The following SCAI variants were observed in gnomAD, a reference collection of about 807,000 sequenced individuals.
SCAI encodes suppressor of cancer cell invasion.
A neutral mutation model predicts 92.2 loss-of-function variants in SCAI; 24 were observed. That is an observed-to-expected ratio of 0.26 (90% CI 0.19 to 0.37). SCAI has a LOEUF of 0.37. Ranked by LOEUF, SCAI falls within the 10% of genes least tolerant of loss-of-function variation. The probability of loss-of-function intolerance (pLI) is 1.00; values close to 1 mark genes in which losing one functional copy is unlikely to be tolerated. For missense variants in SCAI, 450 were observed against 736.2 expected (o/e 0.61, Z 4.50); for synonymous variants, 261 against 258.6 (o/e 1.01, Z -0.09).
intron 3 of SCAI, among the ~76,000 whole-genome samples, chr9:125,050,127 G>A (rs187363761): frequency 6.6e-6 from 1 of 151,520 alleles, no homozygotes; most frequent in East Asian, 1.9e-4. Flanking sequence ...TAGAGGGAAA[G>A]GGCTTAATAT....
chr9:124,976,065 T>C (rs745320382), intron 15 of SCAI, 49 bp downstream of exon 15: 87 of 1,110,744 alleles, frequency 7.8e-5, no homozygotes, highest in Non-Finnish European at 1.2e-4. Context: ...ATAATATAGA[T>C]AGTGTTTATT....
intron 17 of SCAI, among the ~76,000 whole-genome samples, chr9:124,961,611 T>C (rs958704623): frequency 2.9e-4 from 44 of 150,670 alleles, no homozygotes; most frequent in African/African-American, 1.0e-3. Flanking sequence ...GATCACGCCA[T>C]TGTACTCCAG....
chr9:124,997,569 T>C (rs1028362665), intron 13 of SCAI, among the ~76,000 whole-genome samples: 5 of 152,150 alleles, frequency 3.3e-5, no homozygotes, highest in African/African-American at 1.2e-4. Context: ...AGCAATGAAG[T>C]TGTTATGCTT....
intron 2 of SCAI, among the ~76,000 whole-genome samples, chr9:125,085,030 C>T (rs1319723798): frequency 6.6e-6 from 1 of 152,180 alleles, no homozygotes; most frequent in Non-Finnish European, 1.5e-5. Context: ...ACTAACTATC[C>T]TATCTTACTG....
rs1833654124 is a variant in SCAI, at chr9:125,055,956, A to T, written c.150T>A (p.Asp50Glu). Residue 50 changes from aspartate (D) to glutamate (E), a missense_variant, in exon 3 of 18, where the codon GAT becomes GAA. Asp to Glu is a conservative substitution (Grantham distance 45, BLOSUM62 2). This residue lies in a region of SCAI where 70 missense variants were observed against 66.3 expected (regional missense o/e 1.06). Coordinates refer to ENST00000336505, the MANE Select transcript of SCAI (RefSeq NM_001144877.3). ...CTGTTTTCCTCTCTCCCTGTGGGAT[A>T]TCATCTTCAGCACCTCCAGAGGACA... ...EIMSSGGAED[D>E]IPQGERKTVT... 6.2e-7 allele frequency: 1 copy of T among 1,610,902 alleles called. No homozygotes were observed. The highest frequency in any genetic ancestry group is 1.7e-5 in the Admixed American group (1 of 59,962).
chr9:125,082,002 G>A lies in SCAI; in HGVS notation c.99-25995C>T, dbSNP rs117757576. Among the ~76,000 whole-genome samples, 450 of 152,284 alleles carry A rather than the reference G, an allele frequency of 3.0e-3. 11 individuals are homozygous for A. In the East Asian group the frequency reaches 0.03, roughly 10 times the overall value. ...GGCTGCAGAAATTTGCATAAGTAAC[G>A]AGGAGCCCAAAATTAATCCCCAAGA... On this transcript the variant is annotated intron_variant, in intron 2 of 17. Transcript: ENST00000336505.
intron 5 of SCAI, among the ~76,000 whole-genome samples, chr9:125,028,076 T>C (rs999348110): frequency 6.6e-6 from 1 of 152,254 alleles, no homozygotes; most frequent in Non-Finnish European, 1.5e-5. Context: ...CTACACATTA[T>C]TAAGACAAGT....
chr9:125,056,078 T>C, intron 2 of SCAI, 71 bp from the exon 3 acceptor site: 2 of 1,112,862 alleles, frequency 1.8e-6, no homozygotes, highest in Non-Finnish European at 2.6e-6. Flanking sequence ...AGTTATATCA[T>C]CTGATAGTAT....
chr9:124,974,150 C>T (rs1023097771), intron 15 of SCAI: 2 of 413,244 alleles, frequency 4.8e-6, no homozygotes, highest in Non-Finnish European at 9.6e-6. Flanking sequence ...GGTCATAGTG[C>T]TATCTCCAGT....
chr9:125,123,048 G>A (rs1380391773), intron 2 of SCAI, among the ~76,000 whole-genome samples: 1 of 148,798 alleles, frequency 6.7e-6, no homozygotes, highest in Non-Finnish European at 1.5e-5. Context: ...TAGAAAAACA[G>A]CTTGCTTATC....
At chr9:125,073,944 C>CTT (rs751030059) in intron 2 of SCAI, among the ~76,000 whole-genome samples, 1 of 142,834 alleles carries the variant, frequency 7.0e-6, no homozygotes, top group African/African-American at 2.6e-5. Context: ...TCTCGTTCTC[C>CTT]TTTTTTTTTT....
chr9:124,998,922 T>C lies in SCAI; in HGVS notation c.1244+969A>G, dbSNP rs79329740. On this transcript the variant is annotated intron_variant, in intron 13 of 17. Transcript: ENST00000336505. ...TGTGAGCCACTGCTATCAGCCTTTA[T>C]CATAAATAGCTAGAAAAAAGATATT... Among the ~76,000 whole-genome samples, 2,432 of 151,692 alleles carry C rather than the reference T, an allele frequency of 0.016. 154 individuals are homozygous for C. The East Asian group carries it at 0.23, about 14-fold the overall frequency.
intron 2 of SCAI, among the ~76,000 whole-genome samples, chr9:125,121,148 C>G (rs1835148600): frequency 6.6e-6 from 1 of 151,518 alleles, no homozygotes; most frequent in African/African-American, 2.4e-5. Context: ...TCATTTCATT[C>G]TCTGTTGTTA....
intron 2 of SCAI, among the ~76,000 whole-genome samples, chr9:125,120,622 G>T (rs1462692878): frequency 6.6e-6 from 1 of 152,112 alleles, no homozygotes; most frequent in South Asian, 2.1e-4. Context: ...GAACCCAGGA[G>T]GCAGAGGTTG....
chr9:124,957,993 A>G (rs1831356700), intron 17 of SCAI, among the ~76,000 whole-genome samples: 1 of 152,126 alleles, frequency 6.6e-6, no homozygotes, highest in Non-Finnish European at 1.5e-5. Flanking sequence ...AAATAATTCA[A>G]TTTTTAAAGC....
intron 9 of SCAI, 25 bp from the exon 10 acceptor site, chr9:125,003,595 C>T (rs773309222): frequency 2.8e-6 from 4 of 1,431,612 alleles, no homozygotes; most frequent in Non-Finnish European, 3.9e-6. Context: ...AAAACAAACA[C>T]AACCTAGCCT....
intron 14 of SCAI, among the ~76,000 whole-genome samples, chr9:124,988,126 C>A (rs1832037526): frequency 6.6e-6 from 1 of 151,828 alleles, no homozygotes; most frequent in Admixed American, 6.6e-5. Flanking sequence ...GGTCACTAGA[C>A]CTTTATATTC....
intron 2 of SCAI, among the ~76,000 whole-genome samples, chr9:125,125,805 T>G (rs1835252680): frequency 7.2e-6 from 1 of 138,966 alleles, no homozygotes; most frequent in South Asian, 2.3e-4. Flanking sequence ...CACTCCAGCC[T>G]GGGCGACAGA....
At chr9:125,033,190 T>C (rs1288023724) in intron 3 of SCAI, among the ~76,000 whole-genome samples, 1 of 151,318 alleles carries the variant, frequency 6.6e-6, no homozygotes, top group Non-Finnish European at 1.5e-5. Flanking sequence ...ACAGCAAGAC[T>C]CCATCTCCAA....
Sources: gnomAD v4.1 joint callset for allele counts (sites outside exome capture counted in the v4.1 genomes callset) on GRCh38, gnomAD v4.1.1 for gene constraint, gnomAD v4.1.1 regional missense constraint, MANE v1.5 for transcripts, NCBI Gene and HGNC (gene_info 2026-07-23, HGNC 2026-07-21) for gene names.